The following PXK variants were observed in gnomAD, a reference collection of about 807,000 sequenced individuals.
The protein encoded by PXK is PX domain-containing protein kinase-like protein.
PXK carries 35 observed loss-of-function variants against 84.7 expected under a neutral mutation model. That is an observed-to-expected ratio of 0.41 (90% CI 0.32 to 0.55). The LOEUF (loss-of-function observed/expected upper bound fraction) is 0.55, where lower values mean the gene tolerates loss of function less well. Ranked by LOEUF, PXK falls within the 20% of genes least tolerant of loss-of-function variation. The probability of loss-of-function intolerance (pLI) is 0.21; values close to 1 mark genes in which losing one functional copy is unlikely to be tolerated. For missense variants in PXK, 634 were observed against 699.7 expected (o/e 0.91, Z 1.06); for synonymous variants, 253 against 260.8 (o/e 0.97, Z 0.29).
At chr3:58,334,086 G>A (rs1445864286) in intron 1 of PXK, among the ~76,000 whole-genome samples, 1 of 152,086 alleles carries the variant, frequency 6.6e-6, no homozygotes, top group Non-Finnish European at 1.5e-5. Flanking sequence ...AGTGTGTTTG[G>A]GGGGTCATCA....
At position 58,425,792 on chromosome 3, in the gene PXK, CTAAATA is replaced by C. The variant is rs1480235254; in HGVS notation, c.*835_*840del. 2.6e-5 allele frequency: 4 copies of C among 152,150 alleles called. No individual in the cohort carries two copies. Among genetic ancestry groups the C allele is most frequent in the Admixed American group, 6.5e-5 (1 of 15,268 alleles). 9.4% of individuals were successfully genotyped at this position (152,150 alleles called of 1,614,324 possible). ...CAATTATGATTTTTGAAAGATTTATCTAAATATATCAATATAGCATCTCTTTAATGT... is the reference window on the plus strand; with the variant it reads ...CAATTATGATTTTTGAAAGATTTATCTATCAATATAGCATCTCTTTAATGT... On this transcript the variant is annotated 3_prime_UTR_variant, in exon 18 of 18. Coordinates refer to ENST00000356151, the MANE Select transcript of PXK (RefSeq NM_017771.5).
chr3:58,423,862 T>G (rs551302315), intron 17 of PXK, among the ~76,000 whole-genome samples: 48 of 152,334 alleles, frequency 3.2e-4, no homozygotes, highest in African/African-American at 1.2e-3. Flanking sequence ...AATATAAAAT[T>G]CGAGTTGCAA....
At chr3:58,389,715 G>A (rs924495751) in intron 4 of PXK, among the ~76,000 whole-genome samples, 4 of 151,806 alleles carry the variant, frequency 2.6e-5, no homozygotes, top group East Asian at 1.9e-4. Flanking sequence ...TTAGCCAGGC[G>A]TCGGGCAGGT....
At chr3:58,349,316 A>C (rs2097878271) in intron 1 of PXK, among the ~76,000 whole-genome samples, 1 of 151,958 alleles carries the variant, frequency 6.6e-6, no homozygotes, top group African/African-American at 2.4e-5. Flanking sequence ...AAAGCAAGTC[A>C]TAACACACTA....
chr3:58,398,870 G>A lies in PXK; in HGVS notation c.1103-429G>A, dbSNP rs1386877951. On this transcript the variant is annotated intron_variant, in intron 11 of 17. Transcript: ENST00000356151. The surrounding 1 kb of genome is among the most constrained non-coding windows in gnomAD (Gnocchi z 4.5). ...AAAAATCTGGCTGCTCCTGTTAATA[G>A]CATCCAAGGTGTTGGATGATGAGAT... 6.6e-6 allele frequency among the ~76,000 whole-genome samples: 1 copy of A among 152,186 alleles called. No individual in the cohort carries two copies. Among genetic ancestry groups the A allele is most frequent in the Non-Finnish European group, 1.5e-5 (1 of 68,038 alleles).
Position 58,409,250 on chromosome 3 carries a change from C to T in PXK, c.1308+249C>T, listed in dbSNP as rs1184933876. Among the ~76,000 whole-genome samples the T allele has an allele frequency of 1.3e-5, 2 of 152,138 alleles. No homozygotes were observed. Among genetic ancestry groups the T allele is most frequent in the Non-Finnish European group, 2.9e-5 (2 of 68,024 alleles). On this transcript the variant is annotated intron_variant, in intron 14 of 17. Transcript: ENST00000356151. This position sits in a 1 kb window ranked among gnomAD's most constrained non-coding sequence, Gnocchi z 4.2. ...TGGGTTTCTGATCAGAGCATGCCGG[C>T]CGGTGATAGTTGCGGGCATGCATGG...
chr3:58,354,402 C>T (rs1403982925), intron 1 of PXK, among the ~76,000 whole-genome samples: 1 of 151,152 alleles, frequency 6.6e-6, no homozygotes, highest in East Asian at 1.9e-4. Flanking sequence ...TGTTTCCTTC[C>T]ACTCATGCAA....
intron 1 of PXK, among the ~76,000 whole-genome samples, chr3:58,363,529 C>G (rs777786723): frequency 2.6e-5 from 4 of 152,058 alleles, no homozygotes; most frequent in South Asian, 2.1e-4. Flanking sequence ...GCTGTTTTGC[C>G]TGGGCTAGTC....
intron 17 of PXK, among the ~76,000 whole-genome samples, chr3:58,418,909 A>G (rs2107741601): frequency 6.6e-6 from 1 of 152,354 alleles, no homozygotes; most frequent in Middle Eastern, 3.4e-3. Flanking sequence ...CGCAAAACAG[A>G]TGAATAAGAG....
At chr3:58,420,364 T>C (rs2061641071) in intron 17 of PXK, among the ~76,000 whole-genome samples, 1 of 152,268 alleles carries the variant, frequency 6.6e-6, no homozygotes, top group Non-Finnish European at 1.5e-5. Context: ...CACAATCGTG[T>C]TTACAAACCA....
Position 58,365,931 on chromosome 3 carries a change from A to AAC in PXK, c.153+7_153+8insAC. ...TGTGGAAAACAGCTGGCAGGTAAGCATCTTTTTTTTTTTTTTTGTCAATTA... is the reference window on the plus strand; with the variant it reads ...TGTGGAAAACAGCTGGCAGGTAAGCAACTCTTTTTTTTTTTTTTTGTCAATTA... On this transcript the variant is annotated splice_region_variant and intron_variant, in intron 2 of 17. Coordinates refer to ENST00000356151, the MANE Select transcript of PXK (RefSeq NM_017771.5). 4.0e-6 allele frequency: 6 copies of AAC among 1,492,544 alleles called. No individual in the cohort carries two copies. The highest frequency in any genetic ancestry group is 5.3e-6 in the Non-Finnish European group (6 of 1,124,870). The allele number at this position is 1,492,544 out of a possible 1,614,324, so 92.5% of individuals were successfully genotyped here.
chr3:58,343,780 A>G (rs2097774001), intron 1 of PXK, among the ~76,000 whole-genome samples: 1 of 152,252 alleles, frequency 6.6e-6, no homozygotes, highest in Non-Finnish European at 1.5e-5. Flanking sequence ...CATTTGCTGA[A>G]TAAGTGAATT....
At position 58,390,720 on chromosome 3, in the gene PXK, A is replaced by G; in HGVS notation, c.466+61A>G. The stretch of plus-strand genomic sequence containing the variant: ...AGATCACAGAACTGGATCCTTAGTC[A>G]TGCTTTCTGATACGTATCCCAGGAA... On this transcript the variant is annotated intron_variant, in intron 5 of 17. Transcript: ENST00000356151. This position sits in a 1 kb window ranked among gnomAD's most constrained non-coding sequence, Gnocchi z 4.2. 1 of 1,460,802 alleles carries G rather than the reference A, an allele frequency of 6.8e-7. No individual in the cohort carries two copies. 90.5% of individuals were successfully genotyped at this position (1,460,802 alleles called of 1,614,324 possible).
intron 17 of PXK, 122 bp from the exon 18 acceptor site, chr3:58,424,628 ATG>A: frequency 7.6e-7 from 1 of 1,318,250 alleles, no homozygotes; most frequent in Non-Finnish European, 1.0e-6. Context: ...AGTACTAGGT[ATG>A]TTGGTCCCTC....
At chr3:58,406,282 A>ATT (rs56124813) in intron 13 of PXK, among the ~76,000 whole-genome samples, 53 of 144,526 alleles carry the variant, frequency 3.7e-4, no homozygotes, top group Admixed American at 1.4e-3. Flanking sequence ...TTTAATTTTA[A>ATT]TTTTTTTTTT....
At position 58,424,920 on chromosome 3, in the gene PXK, A is replaced by T. The variant is rs768280051; in HGVS notation, c.1697A>T (p.Lys566Ile). ...IQNFQKGTLR[K>I]AKTCDHSAPK... ...AATTTCCAAAAAGGAACTTTGAGGA[A>T]AGCCAAAACCTGTGATCACAGTGCT... The change falls in exon 18 of 18, where the codon AAA becomes ATA. Residue 566 changes from lysine to isoleucine, a missense_variant. Physicochemically the swap from Lys to Ile is moderately radical, Grantham distance 102. Transcript: ENST00000356151. 1.2e-6 allele frequency: 2 copies of T among 1,614,174 alleles called. No individual in the cohort carries two copies. The highest frequency in any genetic ancestry group is 2.2e-5 in the South Asian group (2 of 91,080).
chr3:58,335,191 T>C (rs67471622), intron 1 of PXK, among the ~76,000 whole-genome samples: 34,538 of 151,966 alleles, frequency 0.23, 5,828 homozygotes, highest in East Asian at 0.81. Flanking sequence ...ATCTTTTCTT[T>C]AAAAAATAAA....
intron 3 of PXK, among the ~76,000 whole-genome samples, chr3:58,381,600 T>C (rs968152078): frequency 6.9e-6 from 1 of 145,140 alleles, no homozygotes; most frequent in African/African-American, 2.5e-5. Context: ...AAAGGAAAAG[T>C]AAGCATGGCT....
chr3:58,424,764 T>TACCTCCACC lies in PXK; in HGVS notation c.1542_1550dup (p.Pro522_Pro524dup). 6 of 1,613,640 alleles carry TACCTCCACC rather than the reference T, an allele frequency of 3.7e-6. No individual in the cohort carries two copies. Among genetic ancestry groups the TACCTCCACC allele is most frequent in the Non-Finnish European group, 5.1e-6 (6 of 1,179,906 alleles). ...TTTTCCTCCACAGGGATATCTGCAT[T>TACCTCCACC]ACCTCCACCTCCTCCACCTCCACCA... is the stretch of plus-strand genomic sequence containing the variant. On this transcript the variant is annotated inframe_insertion, in exon 18 of 18. Transcript: ENST00000356151.
Sources: gnomAD v4.1 joint callset for allele counts (sites outside exome capture counted in the v4.1 genomes callset) on GRCh38, gnomAD v4.1.1 for gene constraint, Gnocchi (gnomAD v3.1) non-coding constraint, MANE v1.5 for transcripts, NCBI Gene and HGNC (gene_info 2026-07-23, HGNC 2026-07-21) for gene names.